The following WWOX variants were observed in gnomAD, a reference collection of about 807,000 sequenced individuals.
WWOX encodes the protein WW domain containing oxidoreductase.
Under a neutral mutation model 46.2 loss-of-function variants are expected in WWOX, and 69 were observed. That is an observed-to-expected ratio of 1.49 (90% CI 1.23 to 1.82). WWOX has a LOEUF of 1.82. WWOX is among the 40% of genes most tolerant of loss of function. The pLI, the probability that WWOX is intolerant of heterozygous loss-of-function variation, is 0.00. For synonymous variants in WWOX, 359 were observed against 202.6 expected, an observed-to-expected ratio of 1.77 and a Z score of -6.56; for missense variants, 919 against 542.6, an observed-to-expected ratio of 1.69 and a Z score of -6.89.
At position 78,762,059 on chromosome 16, in the gene WWOX, C is replaced by G. The variant is rs540177298; in HGVS notation, c.1056+329307C>G. Among the ~76,000 whole-genome samples, 8 of 152,326 alleles carry G rather than the reference C, an allele frequency of 5.3e-5. No homozygotes were observed. The South Asian group carries it at 1.5e-3, about 28-fold the overall frequency. On this transcript the variant is annotated intron_variant, in intron 8 of 8. Coordinates refer to ENST00000566780, the MANE Select transcript of WWOX (RefSeq NM_016373.4). ...ATATTACTCCTATTTGGTGTCAACTCTGTGCTGGCCTTTTCACTGAAGTTC... is the reference window on the plus strand; with the variant it reads ...ATATTACTCCTATTTGGTGTCAACTGTGTGCTGGCCTTTTCACTGAAGTTC...
chr16:78,441,759 C>G (rs2083449320), intron 8 of WWOX, among the ~76,000 whole-genome samples: 1 of 152,086 alleles, frequency 6.6e-6, no homozygotes, highest in Admixed American at 6.5e-5. Context: ...ACGTTATGAA[C>G]TTAAGGCCTC....
intron 8 of WWOX, among the ~76,000 whole-genome samples, chr16:78,918,081 A>G (rs1376995442): frequency 6.6e-6 from 1 of 152,002 alleles, no homozygotes; most frequent in Non-Finnish European, 1.5e-5. Context: ...GCATGCTTGT[A>G]GTCCCAGCTA....
chr16:78,342,919 G>C lies in WWOX; in HGVS notation c.517-43941G>C, dbSNP rs112643409. 9.5e-4 allele frequency among the ~76,000 whole-genome samples: 115 copies of C among 120,694 alleles called. 26 individuals are homozygous for C. The highest frequency in any genetic ancestry group is 3.2e-3 in the African/African-American group (113 of 35,658). 79.2% of individuals were successfully genotyped at this position (120,694 alleles called of 152,430 possible). A position where few individuals can be genotyped will look rare whatever the true frequency, so the allele number is the denominator to read the frequency against. On this transcript the variant is annotated intron_variant, in intron 5 of 8. Coordinates refer to ENST00000566780, the MANE Select transcript of WWOX (RefSeq NM_016373.4). Reference sequence around the variant, plus strand: ...TCTGAGTTCATTTCATGAAACTGAAGCATCTTCTTGGAGATATAAGCTCAC... The same window carrying C: ...TCTGAGTTCATTTCATGAAACTGAACCATCTTCTTGGAGATATAAGCTCAC...
intron 8 of WWOX, among the ~76,000 whole-genome samples, chr16:78,776,061 C>T (rs1163740807): frequency 6.6e-6 from 1 of 152,168 alleles, no homozygotes; most frequent in Non-Finnish European, 1.5e-5. Context: ...GAGTATAACA[C>T]CATGGCTAGT....
At chr16:78,726,505 A>T (rs1403249179) in intron 8 of WWOX, among the ~76,000 whole-genome samples, 1 of 152,096 alleles carries the variant, frequency 6.6e-6, no homozygotes, top group Non-Finnish European at 1.5e-5. Context: ...AAGTGTTAAG[A>T]TTACAGGCAT....
chr16:78,196,315 A>G (rs2036050234), intron 5 of WWOX, among the ~76,000 whole-genome samples: 1 of 152,214 alleles, frequency 6.6e-6, no homozygotes, highest in African/African-American at 2.4e-5. Flanking sequence ...CATATTTTAC[A>G]TGATTTCCTT....
intron 8 of WWOX, among the ~76,000 whole-genome samples, chr16:79,177,297 G>T (rs1463857975): frequency 6.6e-6 from 1 of 152,152 alleles, no homozygotes. Context: ...TCCTCGCCTG[G>T]CCTCATTGCT....
chr16:78,527,789 G>T (rs1160796775), intron 8 of WWOX, among the ~76,000 whole-genome samples: 1 of 151,246 alleles, frequency 6.6e-6, no homozygotes, highest in Non-Finnish European at 1.5e-5. Context: ...GGAGACATCT[G>T]GGGTTGTCAG....
intron 8 of WWOX, among the ~76,000 whole-genome samples, chr16:79,134,695 A>G (rs1172212135): frequency 1.3e-5 from 2 of 152,186 alleles, no homozygotes; most frequent in Non-Finnish European, 1.5e-5. Context: ...TCTTATAGAC[A>G]TGTCATGAAG....
chr16:78,737,262 G>A (rs372107109), intron 8 of WWOX, among the ~76,000 whole-genome samples: 23 of 151,222 alleles, frequency 1.5e-4, no homozygotes, highest in Admixed American at 4.6e-4. Flanking sequence ...ACCATACTTC[G>A]CTAATTTTTG....
Position 78,524,475 on chromosome 16 carries a change from C to T in WWOX, c.1056+91723C>T, listed in dbSNP as rs545942241. On this transcript the variant is annotated intron_variant, in intron 8 of 8. Transcript: ENST00000566780. ...TTGCTCTTTTGCCCAAGCTGGAGTGCAGTGGCATGATCTCGGCTCACTGCA... is the reference window on the plus strand; with the variant it reads ...TTGCTCTTTTGCCCAAGCTGGAGTGTAGTGGCATGATCTCGGCTCACTGCA... 2.6e-3 allele frequency among the ~76,000 whole-genome samples: 402 copies of T among 152,082 alleles called. 1 individual carries two copies. Among genetic ancestry groups the T allele is most frequent in the Non-Finnish European group, 4.9e-3 (330 of 68,012 alleles).
intron 8 of WWOX, among the ~76,000 whole-genome samples, chr16:78,886,534 C>G (rs1220697126): frequency 1.3e-5 from 2 of 151,432 alleles, no homozygotes; most frequent in Admixed American, 1.3e-4. Context: ...AGATAGATGT[C>G]TAGAATTTCA....
rs1567563519 is a variant in WWOX at position 78,422,770 on chromosome 16, C to CCCACATATATAT, written c.606-2100_606-2099insCCACATATATAT. Among the ~76,000 whole-genome samples, 831 of 115,458 alleles carry CCCACATATATAT rather than the reference C, an allele frequency of 7.2e-3. 17 individuals carry two copies. The highest frequency in any genetic ancestry group is 7.6e-3 in the Non-Finnish European group (480 of 63,282). 75.7% of individuals were successfully genotyped at this position (115,458 alleles called of 152,430 possible). ...ATACACATATATACACATATATATA[C>CCCACATATATAT]ACACATATATATATACACACACACA... is the stretch of plus-strand genomic sequence containing the variant. On this transcript the variant is annotated intron_variant, in intron 6 of 8. Coordinates refer to ENST00000566780, the MANE Select transcript of WWOX (RefSeq NM_016373.4).
intron 8 of WWOX, among the ~76,000 whole-genome samples, chr16:78,917,866 C>G (rs1125630): frequency 0.56 from 84,576 of 151,976 alleles, 27,072 homozygotes; most frequent in Non-Finnish European, 0.7. Context: ...TACTGATATC[C>G]TAAGTGAGAT....
chr16:78,863,752 C>G (rs768409929), intron 8 of WWOX, among the ~76,000 whole-genome samples: 2 of 152,198 alleles, frequency 1.3e-5, no homozygotes, highest in Non-Finnish European at 2.9e-5. Flanking sequence ...GGTCACTGTA[C>G]TAGTTTTCTA....
chr16:78,216,425 A>C (rs188230715), intron 5 of WWOX, among the ~76,000 whole-genome samples: 35 of 152,234 alleles, frequency 2.3e-4, no homozygotes, highest in African/African-American at 7.9e-4. Context: ...ACACAAATGT[A>C]TTGTCTTTCA....
chr16:78,275,451 C>G (rs200988957), intron 5 of WWOX, among the ~76,000 whole-genome samples: 1 of 152,324 alleles, frequency 6.6e-6, no homozygotes. Flanking sequence ...CTGGCTGGTC[C>G]GTACGCATCC....
chr16:78,947,453 T>G (rs2045971870), intron 8 of WWOX, among the ~76,000 whole-genome samples: 1 of 152,038 alleles, frequency 6.6e-6, no homozygotes, highest in Non-Finnish European at 1.5e-5. Context: ...ATGAAAGGAG[T>G]GAGGAAACGC....
chr16:79,151,244 C>G (rs961159161), intron 8 of WWOX, among the ~76,000 whole-genome samples: 5 of 152,172 alleles, frequency 3.3e-5, no homozygotes, highest in African/African-American at 9.7e-5. Context: ...ACATTCTTTC[C>G]TACGGTGGTT....
Sources: gnomAD v4.1 joint callset for allele counts (sites outside exome capture counted in the v4.1 genomes callset) on GRCh38, gnomAD v4.1.1 for gene constraint, MANE v1.5 for transcripts, NCBI Gene and HGNC (gene_info 2026-07-23, HGNC 2026-07-21) for gene names.